Variants in PPP1R12C observed in about 807,000 individuals in gnomAD.
PPP1R12C encodes the protein protein phosphatase 1 regulatory subunit 12C, also known as leukocyte receptor cluster (LRC) encoded novel gene 3.
Under a neutral mutation model 95.6 loss-of-function variants are expected in PPP1R12C, and 48 were observed. The observed-to-expected ratio is 0.50, with a 90% CI of 0.40 to 0.64. The LOEUF (loss-of-function observed/expected upper bound fraction) is 0.64. Among genes scored for constraint, PPP1R12C ranks in the 30% least tolerant of loss-of-function variants. The pLI, the probability that PPP1R12C is intolerant of heterozygous loss-of-function variation, is 0.00. For missense variants in PPP1R12C, 1,057 were observed against 1,083.3 expected, an observed-to-expected ratio of 0.98 and a Z score of 0.34; for synonymous variants, 480 against 460.8, an observed-to-expected ratio of 1.04 and a Z score of -0.53.
At position 55,095,611 on chromosome 19, in the gene PPP1R12C, A is replaced by C; in HGVS notation, c.1228-8T>G. 6.5e-7 allele frequency: 1 copy of C among 1,549,912 alleles called. No individual in the cohort carries two copies. Among genetic ancestry groups the C allele is most frequent in the South Asian group, 1.3e-5 (1 of 79,998 alleles). On this transcript the variant is annotated splice_region_variant and splice_polypyrimidine_tract_variant and intron_variant, in intron 9 of 21. Coordinates refer to ENST00000263433, the MANE Select transcript of PPP1R12C (RefSeq NM_017607.4). ...GGGGGCCTCTTCAAGCTGCTGGGAG[A>C]AGGAGGAGGTCTCAGTTAGAGAGAA...
chr19:55,091,729 T>G, intron 20 of PPP1R12C, 29 bp from the exon 21 acceptor site: 1 of 1,612,828 alleles, frequency 6.2e-7, no homozygotes. Flanking sequence ...GTGCAGAAAC[T>G]GAGTGAGGCT....
At chr19:55,094,490 G>A in intron 12 of PPP1R12C, 55 bp from the exon 13 acceptor site, 2 of 1,607,138 alleles carry the variant, frequency 1.2e-6, no homozygotes, top group South Asian at 1.1e-5. Flanking sequence ...GTCCCATTCC[G>A]TGGCTGACAC....
In PPP1R12C at chr19:55,091,681, C is replaced by G. The variant is rs766702126; in HGVS notation, c.2231G>C (p.Arg744Pro). ...CTCCTCCTCCAGCTCTGCGGCCTTG[C>G]GTTCCAGGGCCCTGCGCTCCTGGAA... is the stretch of plus-strand genomic sequence containing the variant. ...LERFERRALE[R>P]KAAELEEELK... The change falls in exon 21 of 22, where the codon CGC (arginine) becomes CCC (proline). Residue 744 changes from arginine (R) to proline (P), a missense_variant. This residue lies in a region of PPP1R12C where 347 missense variants were observed against 307.9 expected (regional missense o/e 1.13). Coordinates refer to ENST00000263433, the MANE Select transcript of PPP1R12C (RefSeq NM_017607.4). 1 of 1,610,962 alleles carries G rather than the reference C, an allele frequency of 6.2e-7. No homozygotes were observed. Among genetic ancestry groups the G allele is most frequent in the Non-Finnish European group, 8.5e-7 (1 of 1,178,922 alleles).
chr19:55,113,761 C>T (rs957230469), intron 1 of PPP1R12C: 3 of 369,526 alleles, frequency 8.1e-6, no homozygotes, highest in Non-Finnish European at 1.4e-5. Flanking sequence ...AGGGGCCGCA[C>T]GTGCCCTGGG....
chr19:55,091,784 T>C, intron 20 of PPP1R12C, 75 bp downstream of exon 20: 14 of 1,611,366 alleles, frequency 8.7e-6, no homozygotes, highest in African/African-American at 1.3e-5. Context: ...AAGGGCAATG[T>C]GGCTCCCTTG....
chr19:55,094,482 C>T (rs2084886340), intron 12 of PPP1R12C, 47 bp from the exon 13 acceptor site: 3 of 1,609,948 alleles, frequency 1.9e-6, no homozygotes, highest in African/African-American at 2.7e-5. Context: ...GGGACCCTGT[C>T]CCATTCCGTG....
At chr19:55,094,465 G>A (rs773376071) in intron 12 of PPP1R12C, 30 bp from the exon 13 acceptor site, 11 of 1,611,988 alleles carry the variant, frequency 6.8e-6, no homozygotes, top group Non-Finnish European at 9.3e-6. Context: ...CTCAGACAGG[G>A]AACCTGGGGA....
At chr19:55,113,444 G>A in intron 1 of PPP1R12C, 3 of 1,496,616 alleles carry the variant, frequency 2.0e-6, no homozygotes, top group South Asian at 1.2e-5. Context: ...GGCCCCCTCT[G>A]CACGGGGCCC....
At chr19:55,095,680 T>G (rs564558062) in intron 9 of PPP1R12C, 77 bp from the exon 10 acceptor site, 1 of 1,502,820 alleles carries the variant, frequency 6.7e-7, no homozygotes, top group East Asian at 2.4e-5. Flanking sequence ...CCCAAAGGAC[T>G]GCAACAAACT....
Position 55,109,244 on chromosome 19 carries a change from G to A in PPP1R12C, c.571+3223C>T, listed in dbSNP as rs748301633. The stretch of plus-strand genomic sequence containing the variant: ...GCCTACTGAGTAGCTGGGAGCGTAC[G>A]TGCATTCCCACGCCTGGCTAATGTG... On this transcript the variant is annotated intron_variant, in intron 3 of 21. Coordinates refer to ENST00000263433, the MANE Select transcript of PPP1R12C (RefSeq NM_017607.4). This position sits in a 1 kb window ranked among gnomAD's most constrained non-coding sequence, Gnocchi z 4.4. Among the ~76,000 whole-genome samples the A allele has an allele frequency of 1.4e-4, 22 of 152,320 alleles. No individual in the cohort carries two copies. Among genetic ancestry groups the A allele is most frequent in the Non-Finnish European group, 2.5e-4 (17 of 68,032 alleles).
chr19:55,115,708 G>A lies in PPP1R12C; in HGVS notation c.321+1515C>T, dbSNP rs2147217479. Among the ~76,000 whole-genome samples the A allele has an allele frequency of 1.3e-5, 2 of 152,328 alleles. 1 individual carries two copies. The highest frequency in any genetic ancestry group is 6.8e-3 in the Middle Eastern group (2 of 294). ...GTGGGGGTTAGACCCAATATCAGGA[G>A]ACTAGGAAGGAGGAGGCCTAAGGAT... On this transcript the variant is annotated intron_variant, in intron 1 of 21. Transcript: ENST00000263433.
chr19:55,098,756 G>A, intron 6 of PPP1R12C, 28 bp downstream of exon 6: 1 of 1,612,910 alleles, frequency 6.2e-7, no homozygotes, highest in Non-Finnish European at 8.5e-7. Flanking sequence ...GGGGAGTCTG[G>A]GGTAAGCCCC....
intron 11 of PPP1R12C, 193 bp downstream of exon 11, chr19:55,095,098 T>G (rs559904326): frequency 3.1e-4 from 223 of 721,806 alleles, no homozygotes; most frequent in Non-Finnish European, 4.8e-4. Context: ...GGGGGGAAGA[T>G]AGGGGAGAAG....
chr19:55,096,039 C>G lies in PPP1R12C; in HGVS notation c.1153+12G>C. On this transcript the variant is annotated intron_variant, in intron 8 of 21. Coordinates refer to ENST00000263433, the MANE Select transcript of PPP1R12C (RefSeq NM_017607.4). ...TCCCTCGGACCCAGGAGTCCAGATT[C>G]AGGCCCCTCACCGGTGGGACCTTCT... 6.2e-7 allele frequency: 1 copy of G among 1,609,228 alleles called. No homozygotes were observed. The highest frequency in any genetic ancestry group is 8.5e-7 in the Non-Finnish European group (1 of 1,179,334).
At position 55,112,775 on chromosome 19, in the gene PPP1R12C, C is replaced by T. The variant is rs1233642992; in HGVS notation, c.342G>A (p.Leu114=). The part of the protein sequence containing the change: ...ALHQACIDEN[L]EVVRFLVEQG... The stretch of plus-strand genomic sequence containing the variant: ...GCTCCACCAAGAAGCGCACCACCTC[C>T]AGGTTCTCATCAATGCAGGCCTGGG... The change falls in exon 2 of 22, where the codon CTG becomes CTA. Residue 114 remains leucine (L), a synonymous_variant. Transcript: ENST00000263433. The T allele has an allele frequency of 1.2e-6, 2 of 1,613,154 alleles. No homozygotes were observed. The highest frequency in any genetic ancestry group is 1.3e-5 in the African/African-American group (1 of 74,868).
At position 55,107,380 on chromosome 19, in the gene PPP1R12C, C is replaced by CTCCA. The variant is rs546771282; in HGVS notation, c.572-3816_572-3813dup. On this transcript the variant is annotated intron_variant, in intron 3 of 21. Coordinates refer to ENST00000263433, the MANE Select transcript of PPP1R12C (RefSeq NM_017607.4). Reference sequence around the variant, plus strand: ...AGTGAGTCAAGACCATGCCACTGCACTCCAGCCTGGGCAACAAGAGTGAAA... The same window carrying CTCCA: ...AGTGAGTCAAGACCATGCCACTGCACTCCATCCAGCCTGGGCAACAAGAGTGAAA... Among the ~76,000 whole-genome samples, 149 of 152,244 alleles carry CTCCA rather than the reference C, an allele frequency of 9.8e-4. 1 individual carries two copies. Among genetic ancestry groups the CTCCA allele is most frequent in the African/African-American group, 3.2e-3 (135 of 41,544 alleles).
intron 17 of PPP1R12C, 32 bp downstream of exon 17, chr19:55,092,590 C>A: frequency 6.4e-7 from 1 of 1,552,608 alleles, no homozygotes; most frequent in Non-Finnish European, 8.7e-7. Flanking sequence ...CCGGCCCGCA[C>A]GCAGACCCCA....
chr19:55,116,949 G>A (rs1403276108), intron 1 of PPP1R12C, among the ~76,000 whole-genome samples: 1 of 152,188 alleles, frequency 6.6e-6, no homozygotes, highest in African/African-American at 2.4e-5. Context: ...GCGGAAGAGA[G>A]TAGGTCGAAG....
chr19:55,098,928 C>T, intron 5 of PPP1R12C, 23 bp downstream of exon 5: 1 of 1,598,830 alleles, frequency 6.3e-7, no homozygotes, highest in Non-Finnish European at 8.5e-7. Flanking sequence ...CTGCCCCTCA[C>T]CAGCCTGGGC....
Sources: gnomAD v4.1 joint callset for allele counts (sites outside exome capture counted in the v4.1 genomes callset) on GRCh38, gnomAD v4.1.1 for gene constraint, gnomAD v4.1.1 regional missense constraint, Gnocchi (gnomAD v3.1) non-coding constraint, MANE v1.5 for transcripts, NCBI Gene and HGNC (gene_info 2026-07-23, HGNC 2026-07-21) for gene names.